Variants in ZNF385C observed in about 807,000 individuals in gnomAD.
ZNF385C encodes zinc finger protein 385C.
Under a neutral mutation model 35.4 loss-of-function variants are expected in ZNF385C, and 28 were observed. The ratio of observed to expected loss-of-function variants is 0.79; its 90% CI spans 0.59 to 1.08. The LOEUF (loss-of-function observed/expected upper bound fraction) is 1.08. ZNF385C is among the 50% of genes least tolerant of loss of function. The pLI, the probability that ZNF385C is intolerant of heterozygous loss-of-function variation, is 0.00. For missense variants in ZNF385C, 605 were observed against 595.6 expected (o/e 1.02, Z -0.16); for synonymous variants, 248 against 248.2 (o/e 1.00, Z 0.01).
chr17:42,062,630 T>G (rs1377012606), intron 2 of ZNF385C, 177 bp downstream of exon 2: 1 of 402,084 alleles, frequency 2.5e-6, no homozygotes, highest in Non-Finnish European at 4.4e-6. Context: ...GTTGTCCAGA[T>G]GCAGAATAAA....
At chr17:42,093,514 T>A (rs895458242) in intron 1 of ZNF385C, among the ~76,000 whole-genome samples, 1 of 152,142 alleles carries the variant, frequency 6.6e-6, no homozygotes, top group Admixed American at 6.5e-5. Flanking sequence ...ACCCCGGAGT[T>A]CTCAACAGAG....
intron 7 of ZNF385C, 97 bp downstream of exon 7, chr17:42,027,953 T>C (rs995234827): frequency 2.7e-6 from 4 of 1,466,086 alleles, no homozygotes; most frequent in Non-Finnish European, 3.8e-6. Context: ...TGCTCTGCTG[T>C]GCCCTGCCTG....
Position 42,065,989 on chromosome 17 carries a change from G to A in ZNF385C, c.-2-2931C>T, listed in dbSNP as rs146189121. Among the ~76,000 whole-genome samples the A allele has an allele frequency of 4.3e-4, 65 of 152,220 alleles. 1 individual carries two copies. The East Asian group carries it at 0.013, about 29-fold the overall frequency. On this transcript the variant is annotated intron_variant, in intron 1 of 8. Transcript: ENST00000692273. The stretch of plus-strand genomic sequence containing the variant: ...TACACACATTGTGGGGATTAGATGA[G>A]CTGATCTATAATCTATGTAATATGC...
intron 2 of ZNF385C, chr17:42,039,347 T>A (rs1488102847): frequency 4.4e-6 from 1 of 227,290 alleles, no homozygotes; most frequent in African/African-American, 2.3e-5. Context: ...AGACCTAGTC[T>A]TCCTTCCCCA....
intron 1 of ZNF385C, among the ~76,000 whole-genome samples, chr17:42,070,700 C>A (rs112358981): frequency 2.0e-5 from 3 of 152,286 alleles, no homozygotes; most frequent in African/African-American, 7.2e-5. Flanking sequence ...CCCTGGCAGG[C>A]CCCATCCCAG....
At chr17:42,052,243 A>G (rs1380078581) in intron 2 of ZNF385C, among the ~76,000 whole-genome samples, 1 of 152,170 alleles carries the variant, frequency 6.6e-6, no homozygotes, top group Non-Finnish European at 1.5e-5. Context: ...CAGAGCAGAA[A>G]TCTTATGAAA....
At chr17:42,067,187 C>T (rs1384501957) in intron 1 of ZNF385C, among the ~76,000 whole-genome samples, 6 of 152,138 alleles carry the variant, frequency 3.9e-5, no homozygotes, top group African/African-American at 1.4e-4. Context: ...CCTCCAGCCT[C>T]GGGCTCCCAA....
intron 2 of ZNF385C, chr17:42,043,145 G>A (rs1370981904): frequency 2.0e-5 from 25 of 1,232,106 alleles, no homozygotes; most frequent in African/African-American, 7.8e-5. Flanking sequence ...GTCACGTGGC[G>A]CAGCAGGGCG....
At chr17:42,083,002 G>A (rs907475155) in intron 1 of ZNF385C, among the ~76,000 whole-genome samples, 19 of 151,766 alleles carry the variant, frequency 1.3e-4, no homozygotes, top group African/African-American at 4.4e-4. Context: ...GCATGAACCC[G>A]GGAGGTGGAG....
intron 1 of ZNF385C, among the ~76,000 whole-genome samples, chr17:42,072,413 G>A (rs922235923): frequency 6.6e-6 from 1 of 152,206 alleles, no homozygotes; most frequent in Non-Finnish European, 1.5e-5. Context: ...CACCAGGCAA[G>A]AAGGGTCTCC....
At chr17:42,043,139 C>T (rs2053066363) in intron 2 of ZNF385C, 9 of 1,232,072 alleles carry the variant, frequency 7.3e-6, no homozygotes, top group Non-Finnish European at 8.1e-6. Context: ...CCTGAGGTCA[C>T]GTGGCGCAGC....
intron 8 of ZNF385C, 47 bp downstream of exon 8, chr17:42,027,571 T>TCC: frequency 5.0e-6 from 1 of 199,790 alleles, no homozygotes. Context: ...CAGCCCACCC[T>TCC]CTCCCCTCCT....
chr17:42,041,252 G>A (rs1464344947), intron 2 of ZNF385C: 1 of 1,218,968 alleles, frequency 8.2e-7, no homozygotes, highest in Non-Finnish European at 1.0e-6. Context: ...AGAGGCGGAG[G>A]CAGGCAGTGC....
At chr17:42,039,443 T>C in intron 2 of ZNF385C, 1 of 359,584 alleles carries the variant, frequency 2.8e-6, no homozygotes, top group Non-Finnish European at 5.0e-6. Context: ...TCTAACTGTG[T>C]AAAGGCCAGG....
At chr17:42,075,362 C>T (rs544677740) in intron 1 of ZNF385C, among the ~76,000 whole-genome samples, 98 of 152,258 alleles carry the variant, frequency 6.4e-4, no homozygotes, top group African/African-American at 2.3e-3. Context: ...AGTTCTGGGC[C>T]TTCATTCATT....
intron 3 of ZNF385C, among the ~76,000 whole-genome samples, chr17:42,036,071 T>C (rs1479369126): frequency 6.6e-6 from 1 of 152,132 alleles, no homozygotes; most frequent in Non-Finnish European, 1.5e-5. Context: ...GCCAAAATCT[T>C]GCAACCTCCG....
intron 2 of ZNF385C, among the ~76,000 whole-genome samples, chr17:42,042,061 C>T (rs1378634164): frequency 2.6e-5 from 4 of 152,128 alleles, no homozygotes; most frequent in African/African-American, 9.7e-5. Context: ...ATTAAACAGG[C>T]TCAGCACAGA....
In ZNF385C at chr17:42,062,844, A is replaced by G; in HGVS notation, c.213T>C (p.Leu71=). 1 of 624,894 alleles carries G rather than the reference A, an allele frequency of 1.6e-6. No individual in the cohort carries two copies. The highest frequency in any genetic ancestry group is 2.9e-6 in the Non-Finnish European group (1 of 348,866). The allele number at this position is 624,894 out of a possible 1,614,324, so 38.7% of individuals were successfully genotyped here. Residue 71 remains leucine, a synonymous_variant, in exon 2 of 9, where the codon CTT becomes CTC. Transcript: ENST00000692273. ...GGCTCTTCCCCAAGCTGAGCTGCCG[A>G]AGCCGCCTCTGGTGGGCCCGCCCCC... The part of the protein sequence containing the change: ...HCGGRAHQRR[L]RQLSLGKSPS...
intron 5 of ZNF385C, among the ~76,000 whole-genome samples, chr17:42,029,485 G>A (rs553730887): frequency 5.8e-4 from 88 of 152,198 alleles, no homozygotes; most frequent in South Asian, 1.0e-3. Flanking sequence ...TTGGGAGGCC[G>A]AGGCAGGTGG....
Sources: gnomAD v4.1 joint callset for allele counts (sites outside exome capture counted in the v4.1 genomes callset) on GRCh38, gnomAD v4.1.1 for gene constraint, MANE v1.5 for transcripts, NCBI Gene and HGNC (gene_info 2026-07-23, HGNC 2026-07-21) for gene names.